Variants in KATNA1 observed in about 807,000 individuals in gnomAD.
KATNA1 encodes the protein katanin catalytic subunit A1.
Under a neutral mutation model 62.6 loss-of-function variants are expected in KATNA1, and 42 were observed. That is an observed-to-expected ratio of 0.67 (90% CI 0.52 to 0.87). The LOEUF (loss-of-function observed/expected upper bound fraction) is 0.87, where lower values mean the gene tolerates loss of function less well. Among genes scored for constraint, KATNA1 ranks in the 40% least tolerant of loss-of-function variants. KATNA1 has a pLI of 0.00. For synonymous variants in KATNA1, 186 were observed against 201.9 expected (o/e 0.92, Z 0.67); for missense variants, 498 against 612.5 (o/e 0.81, Z 1.97).
At chr6:149,609,814 A>AAAAAAAAAAAAAAAC (rs1562284874) in intron 4 of KATNA1, among the ~76,000 whole-genome samples, 2 of 141,556 alleles carry the variant, frequency 1.4e-5, no homozygotes, top group African/African-American at 5.5e-5. Flanking sequence ...AAAAAAAAAA[A>AAAAAAAAAAAAAAAC]AATAGGCCAG....
chr6:149,607,690 A>G (rs1778795414), intron 4 of KATNA1, among the ~76,000 whole-genome samples: 1 of 152,214 alleles, frequency 6.6e-6, no homozygotes, highest in Non-Finnish European at 1.5e-5. Flanking sequence ...GAGGGATTCA[A>G]AGGGACCTAG....
chr6:149,628,136 C>T (rs541648020), intron 3 of KATNA1, among the ~76,000 whole-genome samples: 45 of 151,046 alleles, frequency 3.0e-4, no homozygotes, highest in East Asian at 5.9e-4. Context: ...GAGTGTCTGT[C>T]GCCCAGGCTG....
At chr6:149,618,760 A>T (rs777370731) in intron 4 of KATNA1, among the ~76,000 whole-genome samples, 84 of 152,346 alleles carry the variant, frequency 5.5e-4, no homozygotes, top group Non-Finnish European at 1.1e-3. Context: ...TGGTGCTGAG[A>T]AAACTAGATA....
At chr6:149,628,559 C>T (rs557246880) in intron 3 of KATNA1, among the ~76,000 whole-genome samples, 2 of 151,996 alleles carry the variant, frequency 1.3e-5, no homozygotes, top group African/African-American at 4.8e-5. Flanking sequence ...CATAGGCTCA[C>T]GCCTGTAATC....
Position 149,609,370 on chromosome 6 carries a change from G to GA in KATNA1, c.502-4589dup, listed in dbSNP as rs532188676. Among the ~76,000 whole-genome samples the GA allele has an allele frequency of 4.1e-3, 595 of 145,564 alleles. 4 individuals carry two copies. The highest frequency in any genetic ancestry group is 0.014 in the African/African-American group (551 of 40,084). On this transcript the variant is annotated intron_variant, in intron 4 of 10. Coordinates refer to ENST00000367411, the MANE Select transcript of KATNA1 (RefSeq NM_007044.4). ...AGGAAGTAGCATAGTATTTTTTAAG[G>GA]AAAAAAAAAAAGTATTTTTTCAAGA... is the stretch of plus-strand genomic sequence containing the variant.
intron 1 of KATNA1, 170 bp from the exon 2 acceptor site, chr6:149,638,730 GTTTTTTTTTTT>G (rs1217719467): frequency 1.8e-4 from 18 of 99,836 alleles, no homozygotes; most frequent in African/African-American, 6.5e-4. Context: ...AAAAAACATT[GTTTTTTTTTTT>G]TTTTTTTTTT....
chr6:149,645,420 G>A (rs1226410681), intron 1 of KATNA1, among the ~76,000 whole-genome samples: 1 of 149,304 alleles, frequency 6.7e-6, no homozygotes, highest in Non-Finnish European at 1.5e-5. Flanking sequence ...TCCAGCCTGG[G>A]CGACAGAGCA....
chr6:149,639,118 G>A (rs544395630), intron 1 of KATNA1, among the ~76,000 whole-genome samples: 70 of 152,158 alleles, frequency 4.6e-4, no homozygotes, highest in African/African-American at 1.7e-3. Context: ...TGGCCAATAT[G>A]GCGAAACCCT....
chr6:149,603,784 A>G lies in KATNA1; in HGVS notation c.624-411T>C, dbSNP rs549135838. On this transcript the variant is annotated intron_variant, in intron 5 of 10. Transcript: ENST00000367411. ...GTATAAAGCAGAGACAGGCTACAAC[A>G]TAGCTGCTTTGCCTCCAGCTTTACT... Among the ~76,000 whole-genome samples, 7 of 152,334 alleles carry G rather than the reference A, an allele frequency of 4.6e-5. No individual in the cohort carries two copies. In the East Asian group the frequency reaches 1.3e-3, roughly 29 times the overall value.
chr6:149,596,364 G>A (rs1230945656), intron 10 of KATNA1, among the ~76,000 whole-genome samples: 2 of 152,062 alleles, frequency 1.3e-5, no homozygotes, highest in Non-Finnish European at 1.5e-5. Context: ...GTGAAACACC[G>A]TCTCTACTAA....
chr6:149,633,348 C>G (rs1366913651), intron 2 of KATNA1, among the ~76,000 whole-genome samples: 5 of 152,034 alleles, frequency 3.3e-5, no homozygotes, highest in Admixed American at 3.3e-4. Flanking sequence ...ACCTCGTGAT[C>G]CACCCGCCTA....
At position 149,597,053 on chromosome 6, in the gene KATNA1, T is replaced by C. The variant is rs774126955; in HGVS notation, c.1277+10A>G. ...CTTACAAAAACCTATGCTTCCATGA[T>C]AATTCATACCTGCACACGTTGGTAA... On this transcript the variant is annotated intron_variant, in intron 10 of 10. Transcript: ENST00000367411. The C allele has an allele frequency of 6.2e-7, 1 of 1,609,704 alleles. No individual in the cohort carries two copies. The highest frequency in any genetic ancestry group is 1.1e-5 in the South Asian group (1 of 90,558).
chr6:149,595,357 T>C, intron 10 of KATNA1, 123 bp from the exon 11 acceptor site: 1 of 643,090 alleles, frequency 1.6e-6, no homozygotes, highest in Non-Finnish European at 2.6e-6. Flanking sequence ...TACATATATA[T>C]GTAGTATTGT....
Position 149,611,645 on chromosome 6 carries a change from C to T in KATNA1, c.502-6863G>A, listed in dbSNP as rs141589409. Among the ~76,000 whole-genome samples, 271 of 152,026 alleles carry T rather than the reference C, an allele frequency of 1.8e-3. 1 individual carries two copies. Among genetic ancestry groups the T allele is most frequent in the African/African-American group, 6.2e-3 (257 of 41,460 alleles). ...GACAATGCAAAAAGGACAGAGAACA[C>T]GTATTACTGGTATAAGGAATGAAAA... On this transcript the variant is annotated intron_variant, in intron 4 of 10. Transcript: ENST00000367411.
At chr6:149,618,252 C>T (rs184389332) in intron 4 of KATNA1, among the ~76,000 whole-genome samples, 1 of 150,990 alleles carries the variant, frequency 6.6e-6, no homozygotes, top group South Asian at 2.1e-4. Flanking sequence ...TTGAGACGGG[C>T]GGATCACCTG....
intron 3 of KATNA1, among the ~76,000 whole-genome samples, chr6:149,628,101 A>G (rs976869553): frequency 7.3e-5 from 11 of 150,744 alleles, no homozygotes; most frequent in Admixed American, 1.3e-4. Flanking sequence ...ACCTCCTTGT[A>G]CTCACATTTT....
Position 149,632,775 on chromosome 6 carries a change from C to T in KATNA1, c.304G>A (p.Val102Ile), listed in dbSNP as rs375960214. 7 of 1,610,236 alleles carry T rather than the reference C, an allele frequency of 4.3e-6. No homozygotes were observed. The African/African-American group carries it at 8.0e-5, about 18-fold the overall frequency. ...ASEGEVWSMP[V>I]PVERRPSPGP... ...TCCACTTACCTTCGTTCAACAGGTA[C>T]AGGCATGGACCAGACTTCTCCCTCA... The change falls in exon 3 of 11, where the codon GTA becomes ATA. Residue 102 changes from valine (V) to isoleucine (I), a missense_variant. Transcript: ENST00000367411.
At chr6:149,605,678 T>C (rs1778709066) in intron 4 of KATNA1, among the ~76,000 whole-genome samples, 1 of 152,194 alleles carries the variant, frequency 6.6e-6, no homozygotes, top group South Asian at 2.1e-4. Flanking sequence ...CAGCAACATC[T>C]GTTGAACACT....
At chr6:149,621,366 C>T (rs555914820) in intron 4 of KATNA1, among the ~76,000 whole-genome samples, 14 of 151,884 alleles carry the variant, frequency 9.2e-5, no homozygotes, top group Admixed American at 5.3e-4. Context: ...CCTCGTGATC[C>T]GCCCAACTCG....
Sources: allele counts gnomAD v4.1 joint callset (sites outside exome capture counted in the v4.1 genomes callset), GRCh38; gene constraint gnomAD v4.1.1; transcripts MANE v1.5; gene names NCBI Gene and HGNC (gene_info 2026-07-23, HGNC 2026-07-21).